PCNX1: variants seen among roughly 807,000 people sequenced by gnomAD.
The protein encoded by PCNX1 is pecanex 1.
PCNX1 carries 78 observed loss-of-function variants against 242.2 expected under a neutral mutation model. The observed-to-expected ratio is 0.32, with a 90% CI of 0.27 to 0.39. The LOEUF is 0.39. PCNX1 is among the 10% of genes least tolerant of loss of function. The probability of loss-of-function intolerance (pLI) is 1.00; values close to 1 mark genes in which losing one functional copy is unlikely to be tolerated. For missense variants in PCNX1, 2,581 were observed against 2,856.5 expected, an observed-to-expected ratio of 0.90 and a Z score of 2.20; for synonymous variants, 1,024 against 1,032.9, an observed-to-expected ratio of 0.99 and a Z score of 0.17.
rs1305855098 is a variant in PCNX1, at chr14:71,115,369, T to G, written c.*5434T>G. On this transcript the variant is annotated 3_prime_UTR_variant, in exon 36 of 36. Transcript: ENST00000304743. The stretch of plus-strand genomic sequence containing the variant: ...GGATAAAACACTGAGGAAATAAATT[T>G]TTTTTCATTTTGCCTTCTGTCCATT... 1 of 152,636 alleles carries G rather than the reference T, an allele frequency of 6.6e-6. No individual in the cohort carries two copies. Among genetic ancestry groups the G allele is most frequent in the Non-Finnish European group, 1.5e-5 (1 of 68,038 alleles). 9.5% of individuals were successfully genotyped at this position (152,636 alleles called of 1,614,324 possible).
chr14:70,907,625 C>A lies in PCNX1; in HGVS notation c.-226C>A. On this transcript the variant is annotated 5_prime_UTR_variant, in exon 1 of 36. Transcript: ENST00000304743. The stretch of plus-strand genomic sequence containing the variant: ...CGGTCTCCTCCTCTCCGCCGTCCTC[C>A]GCCCCGCCGCTCGCCGCCTCCTCCT... The A allele has an allele frequency of 3.2e-6, 1 of 314,770 alleles. No homozygotes were observed. The highest frequency in any genetic ancestry group is 1.4e-4 in the South Asian group (1 of 7,148). 19.5% of individuals were successfully genotyped at this position (314,770 alleles called of 1,614,324 possible).
At chr14:70,993,184 G>A (rs1370646125) in intron 7 of PCNX1, among the ~76,000 whole-genome samples, 1 of 149,890 alleles carries the variant, frequency 6.7e-6, no homozygotes, top group Non-Finnish European at 1.5e-5. Context: ...GCAGTGGCAC[G>A]ATCTCGGCTC....
chr14:70,955,818 G>T (rs1391102921), intron 2 of PCNX1, among the ~76,000 whole-genome samples: 1 of 151,500 alleles, frequency 6.6e-6, no homozygotes, highest in East Asian at 1.9e-4. Context: ...TTTTACTTCT[G>T]AATTTATAGA....
chr14:71,065,005 A>G (rs2061413773), intron 26 of PCNX1, among the ~76,000 whole-genome samples: 1 of 152,168 alleles, frequency 6.6e-6, no homozygotes, highest in South Asian at 2.1e-4. Context: ...CATTTTCTTT[A>G]TCCAGTCTAT....
chr14:70,914,749 A>T lies in PCNX1; in HGVS notation c.153+6746A>T, dbSNP rs113837072. 1.4e-3 allele frequency among the ~76,000 whole-genome samples: 210 copies of T among 152,308 alleles called. 1 individual carries two copies. The highest frequency in any genetic ancestry group is 6.8e-3 in the South Asian group (33 of 4,830). On this transcript the variant is annotated intron_variant, in intron 1 of 35. Transcript: ENST00000304743. ...CACCCTTTTTTAGGGAGATGCATGT[A>T]AATTAAGTTACACTTCTATACAAAT...
intron 11 of PCNX1, among the ~76,000 whole-genome samples, chr14:71,014,080 A>G (rs2059895025): frequency 6.6e-6 from 1 of 152,232 alleles, no homozygotes; most frequent in Non-Finnish European, 1.5e-5. Context: ...GTTCCTGGCA[A>G]TCACACAGCA....
At position 71,032,615 on chromosome 14, in the gene PCNX1, G is replaced by C. The variant is rs180746749; in HGVS notation, c.3559-814G>C. Among the ~76,000 whole-genome samples the C allele has an allele frequency of 1.3e-4, 20 of 152,318 alleles. No homozygotes were observed. The East Asian group carries it at 3.7e-3, about 28-fold the overall frequency. On this transcript the variant is annotated intron_variant, in intron 16 of 35. Coordinates refer to ENST00000304743, the MANE Select transcript of PCNX1 (RefSeq NM_014982.3). ...AAGTCTACTTTTAAGTGGAAAAAAGGCAAGTTGTATTAAAAACTGCCGTTT... is the reference window on the plus strand; with the variant it reads ...AAGTCTACTTTTAAGTGGAAAAAAGCCAAGTTGTATTAAAAACTGCCGTTT...
intron 1 of PCNX1, among the ~76,000 whole-genome samples, chr14:70,937,849 C>T (rs1157528877): frequency 6.6e-6 from 1 of 152,192 alleles, no homozygotes; most frequent in African/African-American, 2.4e-5. Context: ...AGGTCCTTCA[C>T]ATCCCTTGTA....
intron 30 of PCNX1, among the ~76,000 whole-genome samples, chr14:71,099,448 A>C (rs2141796577): frequency 6.6e-6 from 1 of 151,314 alleles, no homozygotes; most frequent in Middle Eastern, 3.4e-3. Context: ...GTGAGCCACC[A>C]CGCCCGGCCT....
At chr14:70,928,664 T>C (rs561772459) in intron 1 of PCNX1, among the ~76,000 whole-genome samples, 19 of 152,332 alleles carry the variant, frequency 1.2e-4, no homozygotes, top group African/African-American at 4.3e-4. Flanking sequence ...AATCAAAACA[T>C]TGTTAGTGCC....
chr14:70,942,269 AAACTC>A (rs1396090528), intron 1 of PCNX1, among the ~76,000 whole-genome samples: 3 of 152,226 alleles, frequency 2.0e-5, no homozygotes. Context: ...TAAGAATTTT[AAACTC>A]AACTCTTTAC....
intron 6 of PCNX1, among the ~76,000 whole-genome samples, chr14:70,986,398 A>G (rs2059003151): frequency 6.6e-6 from 1 of 152,224 alleles, no homozygotes; most frequent in Admixed American, 6.5e-5. Flanking sequence ...GTGCATCATA[A>G]TATGCAGCTA....
At position 71,079,134 on chromosome 14, in the gene PCNX1, A is replaced by G. The variant is rs1467252042; in HGVS notation, c.5337+2715A>G. Among the ~76,000 whole-genome samples, 4 of 152,332 alleles carry G rather than the reference A, an allele frequency of 2.6e-5. 1 individual carries two copies. The highest frequency in any genetic ancestry group is 4.1e-4 in the South Asian group (2 of 4,828). On this transcript the variant is annotated intron_variant, in intron 28 of 35. Transcript: ENST00000304743. ...CTGTCCCTGTGTTAGTTTGCTAAGAATGATGCTTTCCAGCTTCATCCATGT... is the reference window on the plus strand; with the variant it reads ...CTGTCCCTGTGTTAGTTTGCTAAGAGTGATGCTTTCCAGCTTCATCCATGT...
At chr14:70,990,170 C>T (rs376078601) in intron 7 of PCNX1, among the ~76,000 whole-genome samples, 4 of 152,224 alleles carry the variant, frequency 2.6e-5, no homozygotes, top group South Asian at 4.2e-4. Context: ...TTTAACGAGG[C>T]ACCTCTGGAA....
chr14:71,071,876 C>T (rs1189378997), intron 26 of PCNX1, among the ~76,000 whole-genome samples: 1 of 152,024 alleles, frequency 6.6e-6, no homozygotes, highest in East Asian at 1.9e-4. Flanking sequence ...TATAAATTGC[C>T]CAAATTTCAA....
At chr14:71,012,340 A>G (rs2140566617) in intron 10 of PCNX1, 1 of 154,966 alleles carries the variant, frequency 6.5e-6, no homozygotes, top group South Asian at 2.0e-4. Context: ...AACGATTCAC[A>G]GTAAGTGGTT....
chr14:70,982,151 A>G (rs1279533594), intron 6 of PCNX1, among the ~76,000 whole-genome samples: 2 of 152,210 alleles, frequency 1.3e-5, no homozygotes, highest in Non-Finnish European at 2.9e-5. Context: ...TTGTACCCAG[A>G]TATCATTGAG....
chr14:71,065,322 G>C (rs2061420509), intron 26 of PCNX1, among the ~76,000 whole-genome samples: 1 of 152,176 alleles, frequency 6.6e-6, no homozygotes, highest in African/African-American at 2.4e-5. Context: ...TAACTGGCTT[G>C]AGATGGTATC....
At chr14:71,018,969 TACTTAA>T (rs760361387) in intron 11 of PCNX1, 34 bp from the exon 12 acceptor site, 10 of 1,517,280 alleles carry the variant, frequency 6.6e-6, no homozygotes, top group Non-Finnish European at 9.0e-6. Flanking sequence ...TAATTTCTTA[TACTTAA>T]GATATACTTA....
Sources: allele counts gnomAD v4.1 joint callset (sites outside exome capture counted in the v4.1 genomes callset), GRCh38; gene constraint gnomAD v4.1.1; transcripts MANE v1.5; gene names NCBI Gene and HGNC (gene_info 2026-07-23, HGNC 2026-07-21).